Variants in ADAMTS2 observed in about 807,000 individuals in gnomAD.
ADAMTS2 encodes the protein A disintegrin and metalloproteinase with thrombospondin motifs 2.
In ADAMTS2, 50 loss-of-function variants were observed where a neutral mutation model predicts 123.0. The ratio of observed to expected loss-of-function variants is 0.41; its 90% CI spans 0.32 to 0.51. ADAMTS2 has a LOEUF of 0.51. ADAMTS2 is among the 20% of genes least tolerant of loss of function. ADAMTS2 has a pLI of 0.35. For synonymous variants in ADAMTS2, 678 were observed against 695.4 expected (o/e 0.98, Z 0.39); for missense variants, 1,494 against 1,705.2 (o/e 0.88, Z 2.18).
At chr5:179,191,635 G>A (rs746959588) in intron 4 of ADAMTS2, among the ~76,000 whole-genome samples, 23 of 151,786 alleles carry the variant, frequency 1.5e-4, no homozygotes, top group African/African-American at 3.6e-4. Flanking sequence ...AGCAGCTGCC[G>A]GGGTGGGGGG....
In ADAMTS2 at chr5:179,189,510, G is replaced by GT. The variant is rs146295427; in HGVS notation, c.892-8356dup. Among the ~76,000 whole-genome samples, 19,048 of 78,956 alleles carry GT rather than the reference G, an allele frequency of 0.24. 5,399 individuals are homozygous for GT. The highest frequency in any genetic ancestry group is 0.34 in the Non-Finnish European group (13,736 of 40,212). The allele number at this position is 78,956 out of a possible 152,430, so 51.8% of individuals were successfully genotyped here. On this transcript the variant is annotated intron_variant, in intron 4 of 21. Coordinates refer to ENST00000251582, the MANE Select transcript of ADAMTS2 (RefSeq NM_014244.5). The surrounding 1 kb of genome is among the most constrained non-coding windows in gnomAD (Gnocchi z 4.2). ...CTACAGGCGCCCGCCAGTGCGCCTG[G>GT]TTTTTTTTTTTTTTTTTTTTTTTTT...
At chr5:179,209,500 T>C (rs1764797968) in intron 3 of ADAMTS2, among the ~76,000 whole-genome samples, 2 of 144,996 alleles carry the variant, frequency 1.4e-5, no homozygotes. Flanking sequence ...CAGTTCTGTG[T>C]CCCCTCGGCG....
At chr5:179,213,505 G>C (rs1561809063) in intron 3 of ADAMTS2, among the ~76,000 whole-genome samples, 2 of 152,186 alleles carry the variant, frequency 1.3e-5, no homozygotes. Flanking sequence ...GGTGCTCTGG[G>C]AACAGAGGGC....
chr5:179,146,489 C>G (rs1763251714), intron 10 of ADAMTS2, among the ~76,000 whole-genome samples: 1 of 152,164 alleles, frequency 6.6e-6, no homozygotes. Context: ...GCCGTGGACG[C>G]CCTGACTGCA....
At chr5:179,166,548 C>G (rs774360417) in intron 5 of ADAMTS2, among the ~76,000 whole-genome samples, 12 of 152,166 alleles carry the variant, frequency 7.9e-5, no homozygotes, top group Non-Finnish European at 1.3e-4. Flanking sequence ...GGTAACCCCA[C>G]GGGCCTCAGG....
At position 179,122,789 on chromosome 5, in the gene ADAMTS2, C is replaced by T. The variant is rs6863024; in HGVS notation, c.2959-16G>A. The T allele has an allele frequency of 5.9e-3, 9,192 of 1,553,660 alleles. 484 individuals carry two copies. In the African/African-American group the frequency reaches 0.11, roughly 18 times the overall value. On this transcript the variant is annotated splice_polypyrimidine_tract_variant and intron_variant, in intron 19 of 21. Coordinates refer to ENST00000251582, the MANE Select transcript of ADAMTS2 (RefSeq NM_014244.5). ...TTACTGAGCACTGCAGGGGGAGAGT[C>T]GCCAGGCAGGGTTCACCTCCCACAC... is the stretch of plus-strand genomic sequence containing the variant.
At chr5:179,207,960 T>C (rs1764746424) in intron 3 of ADAMTS2, among the ~76,000 whole-genome samples, 1 of 152,142 alleles carries the variant, frequency 6.6e-6, no homozygotes, top group African/African-American at 2.4e-5. Context: ...CCCCAGCCCC[T>C]GGTGGCAACC....
chr5:179,328,883 T>C (rs868306672), intron 2 of ADAMTS2, among the ~76,000 whole-genome samples: 5 of 152,326 alleles, frequency 3.3e-5, no homozygotes, highest in Middle Eastern at 3.4e-3. Context: ...GTCGTTCATT[T>C]GTTCAGCAAA....
intron 3 of ADAMTS2, among the ~76,000 whole-genome samples, chr5:179,265,150 T>A (rs533760181): frequency 1.3e-5 from 2 of 152,280 alleles, no homozygotes; most frequent in East Asian, 3.9e-4. Context: ...CACTGGCCGG[T>A]CTTCCAGAAC....
rs1020255579 is a variant in ADAMTS2, at chr5:179,189,817, T to C, written c.892-8662A>G. The stretch of plus-strand genomic sequence containing the variant: ...GAATATTACTAAGTATCTTCTTAAG[T>C]TGGGGGGAGAGAATATTACAAAGTA... On this transcript the variant is annotated intron_variant, in intron 4 of 21. Transcript: ENST00000251582. The surrounding 1 kb of genome is among the most constrained non-coding windows in gnomAD (Gnocchi z 4.2). Among the ~76,000 whole-genome samples, 1 of 142,484 alleles carries C rather than the reference T, an allele frequency of 7.0e-6. No individual in the cohort carries two copies. Among genetic ancestry groups the C allele is most frequent in the Non-Finnish European group, 1.5e-5 (1 of 66,018 alleles). 93.5% of individuals were successfully genotyped at this position (142,484 alleles called of 152,430 possible). A position where few individuals can be genotyped will look rare whatever the true frequency, so the allele number is the denominator to read the frequency against.
At chr5:179,302,395 A>T (rs1756552780) in intron 2 of ADAMTS2, among the ~76,000 whole-genome samples, 1 of 149,846 alleles carries the variant, frequency 6.7e-6, no homozygotes, top group Non-Finnish European at 1.5e-5. Flanking sequence ...AAAAAAAAAA[A>T]AAAAAAAAAA....
chr5:179,207,422 A>G, intron 4 of ADAMTS2, 91 bp downstream of exon 4: 4 of 1,371,180 alleles, frequency 2.9e-6, no homozygotes, highest in Non-Finnish European at 4.1e-6. Context: ...GCAGAGCCTC[A>G]GGGGACCTGG....
At chr5:179,269,666 T>C (rs1766476255) in intron 3 of ADAMTS2, among the ~76,000 whole-genome samples, 1 of 152,126 alleles carries the variant, frequency 6.6e-6, no homozygotes, top group Non-Finnish European at 1.5e-5. Context: ...TCAATGTTCC[T>C]ATTGTTTCAA....
intron 3 of ADAMTS2, among the ~76,000 whole-genome samples, chr5:179,235,157 C>G (rs1765496244): frequency 6.6e-6 from 1 of 152,218 alleles, no homozygotes; most frequent in South Asian, 2.1e-4. Flanking sequence ...CCTGTGCTTC[C>G]TTCTTTTAAA....
At chr5:179,229,591 G>A (rs1369970923) in intron 3 of ADAMTS2, among the ~76,000 whole-genome samples, 3 of 152,180 alleles carry the variant, frequency 2.0e-5, no homozygotes, top group African/African-American at 7.2e-5. Flanking sequence ...CTTTGTAGGG[G>A]TCCTGCCCCA....
intron 2 of ADAMTS2, among the ~76,000 whole-genome samples, chr5:179,336,114 C>T (rs1222890903): frequency 3.3e-5 from 5 of 152,244 alleles, no homozygotes; most frequent in East Asian, 1.9e-4. Context: ...CCCCCCAACA[C>T]GCATCTTTCC....
rs1406154479 is a variant in ADAMTS2 at position 179,217,826 on chromosome 5, GCC to G, written c.689-10113_689-10112del. Among the ~76,000 whole-genome samples the G allele has an allele frequency of 9.4e-4, 70 of 74,748 alleles. 1 individual carries two copies. The highest frequency in any genetic ancestry group is 4.6e-3 in the African/African-American group (65 of 14,182). The allele number at this position is 74,748 out of a possible 152,430, so 49.0% of individuals were successfully genotyped here. A position where few individuals can be genotyped will look rare whatever the true frequency, so the allele number is the denominator to read the frequency against. ...GGATGGGCACACTCACTAGGGGATGGCCTGAGGGCAGACAGGCACACTCACTA... is the reference window on the plus strand; with the variant it reads ...GGATGGGCACACTCACTAGGGGATGGTGAGGGCAGACAGGCACACTCACTA... On this transcript the variant is annotated intron_variant, in intron 3 of 21. Coordinates refer to ENST00000251582, the MANE Select transcript of ADAMTS2 (RefSeq NM_014244.5).
At chr5:179,280,944 G>GC (rs1187003748) in intron 2 of ADAMTS2, among the ~76,000 whole-genome samples, 1 of 151,970 alleles carries the variant, frequency 6.6e-6, no homozygotes, top group Non-Finnish European at 1.5e-5. Context: ...TGCAAACTCT[G>GC]CCTCCCATTT....
At chr5:179,325,333 G>A (rs75122838) in intron 2 of ADAMTS2, among the ~76,000 whole-genome samples, 2,413 of 152,278 alleles carry the variant, frequency 0.016, 55 homozygotes, top group African/African-American at 0.054. Flanking sequence ...AAGGGAGACC[G>A]CGTGCTTATC....
Sources: gnomAD v4.1 joint callset for allele counts (sites outside exome capture counted in the v4.1 genomes callset) on GRCh38, gnomAD v4.1.1 for gene constraint, Gnocchi (gnomAD v3.1) non-coding constraint, MANE v1.5 for transcripts, NCBI Gene and HGNC (gene_info 2026-07-23, HGNC 2026-07-21) for gene names.